SIN3A: variants seen among roughly 807,000 people sequenced by gnomAD.
SIN3A encodes the protein SIN3 transcription regulator family member A, also known as paired amphipathic helix protein Sin3a.
Under a neutral mutation model 146.1 loss-of-function variants are expected in SIN3A, and 14 were observed. The ratio of observed to expected loss-of-function variants is 0.10; its 90% CI spans 0.06 to 0.15. The LOEUF (loss-of-function observed/expected upper bound fraction) is 0.15. Ranked by LOEUF, SIN3A falls within the 10% of genes least tolerant of loss-of-function variation. The pLI is 1.00. For missense variants in SIN3A, 1,028 were observed against 1,576.0 expected (o/e 0.65, Z 5.89); for synonymous variants, 572 against 572.0 (o/e 1.00, Z 0.00).
intron 12 of SIN3A, among the ~76,000 whole-genome samples, chr15:75,398,839 G>A (rs1183499634): frequency 1.3e-5 from 2 of 150,966 alleles, no homozygotes; most frequent in East Asian, 2.0e-4. Flanking sequence ...GTAAAACACT[G>A]TTTCTATAAA....
intron 19 of SIN3A, 118 bp downstream of exon 19, chr15:75,380,511 C>G (rs2141382546): frequency 1.3e-6 from 1 of 753,906 alleles, no homozygotes; most frequent in East Asian, 2.7e-5. Flanking sequence ...ATTAGCATCC[C>G]CAGCAGATAG....
At chr15:75,396,529 G>A (rs1463417841) in intron 12 of SIN3A, 33 bp from the exon 13 acceptor site, 1 of 1,463,490 alleles carries the variant, frequency 6.8e-7, no homozygotes, top group South Asian at 1.2e-5. Context: ...GTATGCTCAG[G>A]ACCCAAATCA....
chr15:75,442,679 C>T (rs1392111007), intron 1 of SIN3A, among the ~76,000 whole-genome samples: 1 of 150,260 alleles, frequency 6.7e-6, no homozygotes, highest in African/African-American at 2.4e-5. Context: ...ACTGTAATCC[C>T]AGCACTTTGG....
chr15:75,430,169 T>G lies in SIN3A; in HGVS notation c.189+18A>C. On this transcript the variant is annotated intron_variant, in intron 2 of 20. Transcript: ENST00000394947. ...TTTCTCTTCCCTCATTCTAGTCCCT[T>G]GGTTGGCTCCAGCTTACCTGGTAGC... The G allele has an allele frequency of 6.3e-7, 1 of 1,597,774 alleles. No individual in the cohort carries two copies. Among genetic ancestry groups the G allele is most frequent in the Non-Finnish European group, 8.6e-7 (1 of 1,165,204 alleles).
chr15:75,440,246 T>C (rs2074183513), intron 1 of SIN3A, among the ~76,000 whole-genome samples: 1 of 152,030 alleles, frequency 6.6e-6, no homozygotes, highest in Non-Finnish European at 1.5e-5. Flanking sequence ...TGTTTTTTTT[T>C]TTGAGACACA....
intron 9 of SIN3A, 93 bp from the exon 10 acceptor site, chr15:75,402,063 G>T (rs1567350896): frequency 1.3e-6 from 1 of 779,510 alleles, no homozygotes; most frequent in South Asian, 1.6e-5. Flanking sequence ...AGGAGGCGCA[G>T]TTGTGTAATC....
intron 4 of SIN3A, among the ~76,000 whole-genome samples, chr15:75,413,548 T>TC (rs2073682029): frequency 1.3e-5 from 1 of 75,392 alleles, no homozygotes; most frequent in East Asian, 2.9e-4. Flanking sequence ...CCACAATTTG[T>TC]TTTTTTTTTT....
Position 75,372,047 on chromosome 15 carries a change from C to G in SIN3A, c.3754G>C (p.Glu1252Gln). The stretch of plus-strand genomic sequence containing the variant: ...TTAATGCTCACAAAATGCAGGGTCT[C>G]TGTATCACAGGTGGTGGTACAGGGC... ...LVPCTTTCDT[E>Q]TLHFVSINKY... The change falls in exon 21 of 21, where the codon GAG (glutamate) becomes CAG (glutamine). Residue 1252 changes from glutamate to glutamine, a missense_variant. Physicochemically the swap from Glu to Gln is conservative, Grantham distance 29 (BLOSUM62 2). Coordinates refer to ENST00000394947, the MANE Select transcript of SIN3A (RefSeq NM_001145358.2). 1 of 1,614,220 alleles carries G rather than the reference C, an allele frequency of 6.2e-7. No homozygotes were observed. The highest frequency in any genetic ancestry group is 8.5e-7 in the Non-Finnish European group (1 of 1,180,054).
chr15:75,423,475 G>A (rs1325226715), intron 2 of SIN3A, among the ~76,000 whole-genome samples: 1 of 151,942 alleles, frequency 6.6e-6, no homozygotes, highest in Non-Finnish European at 1.5e-5. Flanking sequence ...TCAGGAGATC[G>A]AGACCATCCT....
chr15:75,403,761 G>C (rs2073456932), intron 9 of SIN3A, among the ~76,000 whole-genome samples: 2 of 151,998 alleles, frequency 1.3e-5, no homozygotes, highest in Non-Finnish European at 2.9e-5. Context: ...GGCCAGGCTG[G>C]TCTTGAACTC....
intron 7 of SIN3A, 60 bp downstream of exon 7, chr15:75,410,074 T>A: frequency 2.5e-6 from 4 of 1,604,166 alleles, no homozygotes; most frequent in Non-Finnish European, 3.4e-6. Flanking sequence ...CTGAGCACAG[T>A]TTTCCAACTC....
intron 20 of SIN3A, among the ~76,000 whole-genome samples, chr15:75,373,565 TCTTG>T (rs774486981): frequency 3.9e-5 from 6 of 152,124 alleles, no homozygotes; most frequent in Non-Finnish European, 5.9e-5. Flanking sequence ...ATGTATCTTC[TCTTG>T]CTTATGACTT....
At chr15:75,407,235 AC>A in intron 8 of SIN3A, 91 bp from the exon 9 acceptor site, 1 of 757,888 alleles carries the variant, frequency 1.3e-6, no homozygotes, top group Non-Finnish European at 2.2e-6. Context: ...CATCACTGAA[AC>A]CACTGCTGAT....
chr15:75,437,118 A>T (rs1378358563), intron 1 of SIN3A, among the ~76,000 whole-genome samples: 1 of 151,492 alleles, frequency 6.6e-6, no homozygotes, highest in Non-Finnish European at 1.5e-5. Context: ...TCCATGTATG[A>T]CTGCTATCAG....
At chr15:75,424,258 A>T (rs1158804183) in intron 2 of SIN3A, among the ~76,000 whole-genome samples, 2 of 152,056 alleles carry the variant, frequency 1.3e-5, no homozygotes, top group African/African-American at 4.8e-5. Flanking sequence ...AACATGGAGA[A>T]ACCCCATCTC....
upstream of SIN3A, among the ~76,000 whole-genome samples, chr15:75,454,486 C>G (rs2074458974): frequency 6.6e-6 from 1 of 151,250 alleles, no homozygotes; most frequent in Non-Finnish European, 1.5e-5. Context: ...CGTCGCCCCG[C>G]CCGGCCGGGA....
At chr15:75,452,007 C>G (rs974784775), upstream of SIN3A, among the ~76,000 whole-genome samples, 1 of 152,146 alleles carries the variant, frequency 6.6e-6, no homozygotes, top group Non-Finnish European at 1.5e-5. Context: ...CACCACATAA[C>G]CCGCCCTGCA....
intron 2 of SIN3A, among the ~76,000 whole-genome samples, chr15:75,423,994 C>T (rs2073883092): frequency 6.6e-6 from 1 of 151,430 alleles, no homozygotes; most frequent in Non-Finnish European, 1.5e-5. Context: ...GACTCTGTCT[C>T]CAAAAAGAAG....
intron 3 of SIN3A, 120 bp downstream of exon 3, chr15:75,422,524 AAAC>A (rs751906887): frequency 8.7e-7 from 1 of 1,148,908 alleles, no homozygotes; most frequent in Non-Finnish European, 1.3e-6. Flanking sequence ...AAAAACGGTA[AAAC>A]TTGTGATTCG....
Sources: gnomAD v4.1 joint callset for allele counts (sites outside exome capture counted in the v4.1 genomes callset) on GRCh38, gnomAD v4.1.1 for gene constraint, MANE v1.5 for transcripts, NCBI Gene and HGNC (gene_info 2026-07-23, HGNC 2026-07-21) for gene names.